The following SLFN14 variants were observed in gnomAD, a reference collection of about 807,000 sequenced individuals.
The protein encoded by SLFN14 is protein SLFN14.
In SLFN14, 47 loss-of-function variants were observed where a neutral mutation model predicts 58.6. The observed-to-expected ratio is 0.80, with a 90% confidence interval of 0.64 to 1.02. The LOEUF (loss-of-function observed/expected upper bound fraction) is 1.02. Ranked by LOEUF, SLFN14 falls within the 50% of genes least tolerant of loss-of-function variation. The pLI is 0.00. For synonymous variants in SLFN14, 390 were observed against 387.3 expected (o/e 1.01, Z -0.08); for missense variants, 967 against 1,078.4 (o/e 0.90, Z 1.45).
At chr17:35,560,508 A>T (rs1302662849) in intron 1 of SLFN14, among the ~76,000 whole-genome samples, 2 of 152,006 alleles carry the variant, frequency 1.3e-5, no homozygotes, top group Non-Finnish European at 2.9e-5. Flanking sequence ...TTGTATTTTT[A>T]GTAGAGATGG....
chr17:35,552,725 C>G lies in SLFN14; in HGVS notation c.1904+5G>C. ...TTGTGTGTGTGTAGTTGGTAAAACT[C>G]TTACGTCACAAAATCCTTTAGGGAG... is the stretch of plus-strand genomic sequence containing the variant. On this transcript the variant is annotated splice_donor_5th_base_variant and intron_variant, in intron 5 of 5. Transcript: ENST00000674182. 1 of 1,536,928 alleles carries G rather than the reference C, an allele frequency of 6.5e-7. No individual in the cohort carries two copies. The highest frequency in any genetic ancestry group is 8.8e-7 in the Non-Finnish European group (1 of 1,142,268).
At chr17:35,555,551 CA>C (rs11350518) in intron 3 of SLFN14, among the ~76,000 whole-genome samples, 104,114 of 141,188 alleles carry the variant, frequency 0.74, 37,815 homozygotes, top group East Asian at 0.85. Flanking sequence ...GACCCTGTCT[CA>C]AAAAAAAAAA....
Position 35,545,206 on chromosome 17 carries a change from T to C in SLFN14, c.*3033A>G, listed in dbSNP as rs1421069254. Among the ~76,000 whole-genome samples, 1 of 152,232 alleles carries C rather than the reference T, an allele frequency of 6.6e-6. No homozygotes were observed. Among genetic ancestry groups the C allele is most frequent in the Non-Finnish European group, 1.5e-5 (1 of 68,038 alleles). On this transcript the variant is annotated 3_prime_UTR_variant, in exon 6 of 6. Transcript: ENST00000674182. ...AGATTATTCTCCACACTGACTTCTT[T>C]GAAATCTCTAACATTAGAAATTCAT...
chr17:35,554,670 G>A lies in SLFN14; in HGVS notation c.1095C>T (p.Cys365=), dbSNP rs1296150497. ...GTGCAGATGAAGCTGATGAAATCAG[G>A]CAAGAGTTGTAGTCTGTGACCAAAC... is the stretch of plus-strand genomic sequence containing the variant. ...PPSLVTDYNS[C]LISSASSARK... Residue 365 remains cysteine, a synonymous_variant, in exon 4 of 6, where the codon TGC becomes TGT. Coordinates refer to ENST00000674182, the MANE Select transcript of SLFN14 (RefSeq NM_001129820.2). The A allele has an allele frequency of 6.7e-7, 1 of 1,490,498 alleles. No individual in the cohort carries two copies. Among genetic ancestry groups the A allele is most frequent in the Non-Finnish European group, 9.0e-7 (1 of 1,113,430 alleles). The allele number at this position is 1,490,498 out of a possible 1,614,324, so 92.3% of individuals were successfully genotyped here.
Position 35,544,880 on chromosome 17 carries a change from AATATT to A in SLFN14, c.*3354_*3358del, listed in dbSNP as rs973889130. On this transcript the variant is annotated 3_prime_UTR_variant, in exon 6 of 6. Transcript: ENST00000674182. ...TCTCCATTTCCGAAGCTTCCATGAT[AATATT>A]ATATTACCCTTCTTTTTAAAAGTAA... Among the ~76,000 whole-genome samples, 16 of 152,078 alleles carry A rather than the reference AATATT, an allele frequency of 1.1e-4. No individual in the cohort carries two copies. The highest frequency in any genetic ancestry group is 2.1e-4 in the Non-Finnish European group (14 of 68,016).
chr17:35,557,376 A>C lies in SLFN14; in HGVS notation c.687T>G (p.Pro229=). ...KVIPRIKEML[P]HYVSAFANTQ... Reference sequence around the variant, plus strand: ...TGTTGGCAAATGCAGAAACATAATGAGGCAGCATTTCCTTAATCCGAGGTA... The same window carrying C: ...TGTTGGCAAATGCAGAAACATAATGCGGCAGCATTTCCTTAATCCGAGGTA... The change falls in exon 3 of 6, where the codon CCT becomes CCG. Residue 229 remains proline, a synonymous_variant. Coordinates refer to ENST00000674182, the MANE Select transcript of SLFN14 (RefSeq NM_001129820.2). 6.4e-7 allele frequency: 1 copy of C among 1,551,730 alleles called. No individual in the cohort carries two copies. Among genetic ancestry groups the C allele is most frequent in the African/African-American group, 1.4e-5 (1 of 73,182 alleles).
At chr17:35,559,525 G>C (rs1436501823) in intron 2 of SLFN14, among the ~76,000 whole-genome samples, 1 of 152,072 alleles carries the variant, frequency 6.6e-6, no homozygotes, top group Non-Finnish European at 1.5e-5. Context: ...CCCTTCTTTT[G>C]CTTCCTAGAC....
rs765822693 is a variant in SLFN14 at position 35,557,999 on chromosome 17, C to T, written c.64G>A (p.Val22Met). The change falls in exon 3 of 6, where the codon GTG (valine) becomes ATG (methionine). Residue 22 changes from valine to methionine, a missense_variant. Val to Met is a conservative substitution (Grantham distance 21). Coordinates refer to ENST00000674182, the MANE Select transcript of SLFN14 (RefSeq NM_001129820.2). Reference sequence around the variant, plus strand: ...TTCCTGTTTTCTTCTCCAAAAATCACTCTGCCCACATCTACTATTACCTCA... The same window carrying T: ...TTCCTGTTTTCTTCTCCAAAAATCATTCTGCCCACATCTACTATTACCTCA... The part of the protein sequence containing the change: ...YPEVIVDVGR[V>M]IFGEENRKKM... The T allele has an allele frequency of 2.3e-4, 356 of 1,551,482 alleles. No individual in the cohort carries two copies. The highest frequency in any genetic ancestry group is 3.0e-4 in the Non-Finnish European group (340 of 1,147,006).
chr17:35,553,854 G>T (rs56312421), intron 4 of SLFN14, among the ~76,000 whole-genome samples: 2,775 of 152,192 alleles, frequency 0.018, 33 homozygotes, highest in Middle Eastern at 0.068. Flanking sequence ...GGCTAGGCTG[G>T]TCTCAAACTC....
chr17:35,559,055 A>T (rs985304372), intron 2 of SLFN14, among the ~76,000 whole-genome samples: 5 of 91,070 alleles, frequency 5.5e-5, no homozygotes, highest in African/African-American at 2.2e-4. Flanking sequence ...ACAAAAGATA[A>T]AAAAAAAAAA....
chr17:35,557,912 C>T lies in SLFN14; in HGVS notation c.151G>A (p.Ala51Thr). The change falls in exon 3 of 6, where the codon GCA becomes ACA. Residue 51 changes from alanine (A) to threonine (T), a missense_variant. Ala to Thr is a moderately conservative substitution (Grantham distance 58). Coordinates refer to ENST00000674182, the MANE Select transcript of SLFN14 (RefSeq NM_001129820.2). ...ACACCACCTCCAGAATTTAACAGTG[C>T]ACATATAGCCCGGATAATTCTAGAA... ...ENSRIIRAICALLNSGGGVIK... is the reference protein window; with the variant it reads ...ENSRIIRAICTLLNSGGGVIK... The T allele has an allele frequency of 6.4e-7, 1 of 1,551,686 alleles. No homozygotes were observed. Among genetic ancestry groups the T allele is most frequent in the Non-Finnish European group, 8.7e-7 (1 of 1,146,990 alleles).
chr17:35,558,229 G>A (rs2072672480), intron 2 of SLFN14, 123 bp from the exon 3 acceptor site: 2 of 687,312 alleles, frequency 2.9e-6, no homozygotes, highest in South Asian at 4.4e-5. Context: ...CTCTCTATAT[G>A]TATATTTGTT....
At chr17:35,552,659 T>TGC (rs1555547580) in intron 5 of SLFN14, 71 bp downstream of exon 5, 1 of 516,146 alleles carries the variant, frequency 1.9e-6, no homozygotes, top group African/African-American at 3.3e-5. Context: ...CACATATATA[T>TGC]ACACATATAT....
At chr17:35,550,089 C>G (rs55749002) in intron 5 of SLFN14, among the ~76,000 whole-genome samples, 1,835 of 152,330 alleles carry the variant, frequency 0.012, 45 homozygotes, top group African/African-American at 0.042. Context: ...CTAGTCAGAC[C>G]TACCATTCTG....
At chr17:35,551,056 G>A (rs2072581305) in intron 5 of SLFN14, among the ~76,000 whole-genome samples, 1 of 152,060 alleles carries the variant, frequency 6.6e-6, no homozygotes, top group African/African-American at 2.4e-5. Flanking sequence ...AAAGTTTCTG[G>A]TTCTGTAAAT....
Position 35,552,827 on chromosome 17 carries a change from C to A in SLFN14, c.1807G>T (p.Ala603Ser). The stretch of plus-strand genomic sequence containing the variant: ...TTAATTTTCTCCATGATCTTTATGG[C>A]TAGGGCTGTCTTCCTGACTCCTGGA... ...CFPGVRKTAL[A>S]IKIMEKIKDL... Residue 603 changes from alanine to serine, a missense_variant, in exon 5 of 6, where the codon GCC becomes TCC. Ala to Ser is a moderately conservative substitution (Grantham distance 99, BLOSUM62 1). Coordinates refer to ENST00000674182, the MANE Select transcript of SLFN14 (RefSeq NM_001129820.2). The A allele has an allele frequency of 6.4e-7, 1 of 1,551,374 alleles. No individual in the cohort carries two copies. Among genetic ancestry groups the A allele is most frequent in the Non-Finnish European group, 8.7e-7 (1 of 1,146,930 alleles).
At chr17:35,554,855 C>G (rs571423076) in intron 3 of SLFN14, 151 bp from the exon 4 acceptor site, 3 of 499,836 alleles carry the variant, frequency 6.0e-6, no homozygotes, top group East Asian at 3.7e-5. Context: ...AGACAGCTCA[C>G]GTATGTCAGG....
In SLFN14 at chr17:35,552,663, C is replaced by CATAT. The variant is rs71366454; in HGVS notation, c.1904+63_1904+66dup. 491 of 572,418 alleles carry CATAT rather than the reference C, an allele frequency of 8.6e-4. 5 individuals carry two copies. The highest frequency in any genetic ancestry group is 1.2e-3 in the Non-Finnish European group (454 of 367,828). The allele number at this position is 572,418 out of a possible 1,614,324, so 35.5% of individuals were successfully genotyped here. A position where few individuals can be genotyped will look rare whatever the true frequency, so the allele number is the denominator to read the frequency against. On this transcript the variant is annotated intron_variant, in intron 5 of 5. Transcript: ENST00000674182. ...ATATATATATACACATATATATACA[C>CATAT]ATATATATACACATATATATATACA... is the stretch of plus-strand genomic sequence containing the variant.
rs2072691598 is a variant in SLFN14, at chr17:35,560,772, C to A, written c.-129G>T. On this transcript the variant is annotated 5_prime_UTR_variant, in exon 1 of 6. Transcript: ENST00000674182. ...ATTTTTTTTTTTTTTTTTACCTATG[C>A]TCCTGTGTTTCCTCTTGCTGCTTCA... Among the ~76,000 whole-genome samples, 1 of 136,384 alleles carries A rather than the reference C, an allele frequency of 7.3e-6. No homozygotes were observed. The highest frequency in any genetic ancestry group is 1.5e-5 in the Non-Finnish European group (1 of 64,568). The allele number at this position is 136,384 out of a possible 152,430, so 89.5% of individuals were successfully genotyped here.
Sources: allele counts gnomAD v4.1 joint callset (sites outside exome capture counted in the v4.1 genomes callset), GRCh38; gene constraint gnomAD v4.1.1; transcripts MANE v1.5; gene names NCBI Gene and HGNC (gene_info 2026-07-23, HGNC 2026-07-21).